ZNF662: variants seen among roughly 807,000 people sequenced by gnomAD.
The protein encoded by ZNF662 is zinc finger protein 662.
A neutral mutation model predicts 12.4 loss-of-function variants in ZNF662; 14 were observed. The observed-to-expected ratio is 1.13, with a 90% CI of 0.75 to 1.77. The LOEUF is 1.77. ZNF662 is among the 40% of genes most tolerant of loss of function. ZNF662 has a pLI of 0.00. For missense variants in ZNF662, 550 were observed against 515.6 expected, an observed-to-expected ratio of 1.07 and a Z score of -0.65; for synonymous variants, 184 against 176.4, an observed-to-expected ratio of 1.04 and a Z score of -0.34.
intron 3 of ZNF662, among the ~76,000 whole-genome samples, chr3:42,909,627 C>CCAGATGGGGCGGCCGGG (rs2088744975): frequency 6.6e-6 from 1 of 151,830 alleles, no homozygotes; most frequent in Non-Finnish European, 1.5e-5. Flanking sequence ...TCCTCACTTC[C>CCAGATGGGGCGGCCGGG]CAGATGGGGC....
chr3:42,912,642 A>ATATATATATAAATATATATATATTTTTT (rs1453464019), intron 3 of ZNF662, among the ~76,000 whole-genome samples: 2 of 59,484 alleles, frequency 3.4e-5, no homozygotes, highest in African/African-American at 1.7e-4. Flanking sequence ...TATATATTTT[A>ATATATATATAAATATATATATATTTTTT]TATATATATA....
At position 42,918,451 on chromosome 3, in the gene ZNF662, C is replaced by T. The variant is rs2088917000; in HGVS notation, c.*3097C>T. 1.3e-5 allele frequency among the ~76,000 whole-genome samples: 2 copies of T among 152,178 alleles called. No homozygotes were observed. Among genetic ancestry groups the T allele is most frequent in the African/African-American group, 4.8e-5 (2 of 41,440 alleles). On this transcript the variant is annotated 3_prime_UTR_variant, in exon 5 of 5. Transcript: ENST00000440367. ...ATTCCTGGTGGCTACACCCCGTTCTCCCAGTGTGCAGGCAGGCCCTTAGTC... is the reference window on the plus strand; with the variant it reads ...ATTCCTGGTGGCTACACCCCGTTCTTCCAGTGTGCAGGCAGGCCCTTAGTC...
In ZNF662 at chr3:42,918,955, G is replaced by C. The variant is rs1052162310; in HGVS notation, c.*3601G>C. Among the ~76,000 whole-genome samples, 4 of 152,292 alleles carry C rather than the reference G, an allele frequency of 2.6e-5. No homozygotes were observed. The highest frequency in any genetic ancestry group is 9.6e-5 in the African/African-American group (4 of 41,580). ...TATAGTTATGCCTGCTAAGATTGGG[G>C]TGTTTGGGGCTTGGCTTTCGTTAGC... On this transcript the variant is annotated 3_prime_UTR_variant, in exon 5 of 5. Transcript: ENST00000440367.
rs1288732874 is a variant in ZNF662, at chr3:42,918,558, C to T, written c.*3204C>T. Among the ~76,000 whole-genome samples, 1 of 152,140 alleles carries T rather than the reference C, an allele frequency of 6.6e-6. No homozygotes were observed. Among genetic ancestry groups the T allele is most frequent in the Non-Finnish European group, 1.5e-5 (1 of 68,026 alleles). ...ATCATGGGCATGTTTAGGCAATCCC[C>T]CTGTGCACAATGACCTGGGCAGCAT... On this transcript the variant is annotated 3_prime_UTR_variant, in exon 5 of 5. Coordinates refer to ENST00000440367, the MANE Select transcript of ZNF662 (RefSeq NM_207404.4).
Position 42,914,988 on chromosome 3 carries a change from A to G in ZNF662, c.915A>G (p.Thr305=), listed in dbSNP as rs991862735. The G allele has an allele frequency of 1.1e-5, 18 of 1,614,064 alleles. No homozygotes were observed. Among genetic ancestry groups the G allele is most frequent in the South Asian group, 3.3e-5 (3 of 91,088 alleles). Residue 305 remains threonine, a synonymous_variant, in exon 5 of 5, where the codon ACA becomes ACG. Coordinates refer to ENST00000440367, the MANE Select transcript of ZNF662 (RefSeq NM_207404.4). ...TCCACACTGGTGAGAAACCATACAC[A>G]TGTAAGGAATGTGGGAAAAGCTTTA... is the stretch of plus-strand genomic sequence containing the variant. ...QRIHTGEKPY[T]CKECGKSFTR... is the part of the protein sequence containing the mutation.
chr3:42,914,376 T>C lies in ZNF662; in HGVS notation c.303T>C (p.Ile101=). The C allele has an allele frequency of 6.2e-7, 1 of 1,608,164 alleles. No individual in the cohort carries two copies. ...AAGATTTTATTCTGAAGGAGGAAAT[T>C]ATTGAGGAAGCACAGGACCTCATGG... ...KKEDFILKEE[I]IEEAQDLMVL... The change falls in exon 5 of 5, where the codon ATT becomes ATC. Residue 101 remains isoleucine (I), a synonymous_variant. Coordinates refer to ENST00000440367, the MANE Select transcript of ZNF662 (RefSeq NM_207404.4).
intron 4 of ZNF662, 66 bp from the exon 5 acceptor site, chr3:42,914,261 C>G: frequency 7.1e-7 from 1 of 1,409,972 alleles, no homozygotes; most frequent in Non-Finnish European, 9.6e-7. Context: ...ATTAATACCA[C>G]TTGGTGACCT....
chr3:42,910,369 G>A (rs751633165), intron 3 of ZNF662, among the ~76,000 whole-genome samples: 3 of 152,068 alleles, frequency 2.0e-5, no homozygotes, highest in Non-Finnish European at 4.4e-5. Flanking sequence ...AGGGGGAAGG[G>A]GAGAGGGAGA....
intron 1 of ZNF662, chr3:42,907,681 G>T (rs543835008): frequency 1.0e-6 from 1 of 985,410 alleles, no homozygotes; most frequent in African/African-American, 1.7e-5. Flanking sequence ...TCAAGGGTGG[G>T]TGACCTCTGA....
chr3:42,910,688 T>C (rs997934328), intron 3 of ZNF662, among the ~76,000 whole-genome samples: 3 of 152,206 alleles, frequency 2.0e-5, no homozygotes, highest in Non-Finnish European at 2.9e-5. Context: ...ACTTTCTTAC[T>C]CTTAGTTTCC....
chr3:42,914,362 C>T lies in ZNF662; in HGVS notation c.289C>T (p.Leu97=). The T allele has an allele frequency of 6.2e-7, 1 of 1,605,582 alleles. No homozygotes were observed. The highest frequency in any genetic ancestry group is 8.5e-7 in the Non-Finnish European group (1 of 1,177,708). The change falls in exon 5 of 5, where the codon CTG becomes TTG. Residue 97 remains leucine, a synonymous_variant. Transcript: ENST00000440367. ...GAAGAGGAAGAAAGAAGATTTTATT[C>T]TGAAGGAGGAAATTATTGAGGAAGC... is the stretch of plus-strand genomic sequence containing the variant. ...VLKRKKEDFI[L]KEEIIEEAQD...
In ZNF662 at chr3:42,915,063, G is replaced by C; in HGVS notation, c.990G>C (p.Lys330Asn). The change falls in exon 5 of 5, where the codon AAG becomes AAC. Residue 330 changes from lysine (K) to asparagine (N), a missense_variant. Lys to Asn is a moderately conservative substitution (Grantham distance 94). Coordinates refer to ENST00000440367, the MANE Select transcript of ZNF662 (RefSeq NM_207404.4). Reference sequence around the variant, plus strand: ...ATCAGAGAATGCACACTGGGGAGAAGCCTTACGAATGTAAGGACTGTGGGA... The same window carrying C: ...ATCAGAGAATGCACACTGGGGAGAACCCTTACGAATGTAAGGACTGTGGGA... ...LRHQRMHTGE[K>N]PYECKDCGKG... 1 of 1,614,016 alleles carries C rather than the reference G, an allele frequency of 6.2e-7. No individual in the cohort carries two copies. The highest frequency in any genetic ancestry group is 8.5e-7 in the Non-Finnish European group (1 of 1,180,010).
intron 2 of ZNF662, chr3:42,908,424 A>G: frequency 2.4e-6 from 3 of 1,272,396 alleles, no homozygotes; most frequent in Non-Finnish European, 3.0e-6. Flanking sequence ...ATGGTGCTCC[A>G]CTGAGCCTTC....
Position 42,917,764 on chromosome 3 carries a change from A to T in ZNF662, c.*2410A>T. 1 of 589,188 alleles carries T rather than the reference A, an allele frequency of 1.7e-6. No homozygotes were observed. The allele number at this position is 589,188 out of a possible 1,614,324, so 36.5% of individuals were successfully genotyped here. A position where few individuals can be genotyped will look rare whatever the true frequency, so the allele number is the denominator to read the frequency against. ...TTTCCTCTTGCTCAGTAGTCTCATA[A>T]GCTTCTCAGTTTTATCTCATCTCAG... On this transcript the variant is annotated 3_prime_UTR_variant, in exon 5 of 5. Transcript: ENST00000440367.
chr3:42,911,610 A>G (rs2088791903), intron 3 of ZNF662, among the ~76,000 whole-genome samples: 3 of 152,202 alleles, frequency 2.0e-5, no homozygotes. Context: ...TACTCAGAGG[A>G]TACATAGTCC....
Position 42,915,293 on chromosome 3 carries a change from A to G in ZNF662, c.1220A>G (p.Gln407Arg). 1.2e-6 allele frequency: 2 copies of G among 1,611,676 alleles called. No individual in the cohort carries two copies. Among genetic ancestry groups the G allele is most frequent in the Non-Finnish European group, 1.7e-6 (2 of 1,178,870 alleles). ...CAGAATTCTGTCTTAATTAAGCACCAGAGGCGCCATGCTAGAGACAAACCC... is the reference window on the plus strand; with the variant it reads ...CAGAATTCTGTCTTAATTAAGCACCGGAGGCGCCATGCTAGAGACAAACCC... ...FSQNSVLIKH[Q>R]RRHARDKPYN... The change falls in exon 5 of 5, where the codon CAG (glutamine) becomes CGG (arginine). Residue 407 changes from glutamine (Q) to arginine (R), a missense_variant. By Grantham distance (43) the Gln-to-Arg change is conservative (BLOSUM62 1). Transcript: ENST00000440367.
chr3:42,917,342 G>C lies in ZNF662; in HGVS notation c.*1988G>C. 1.7e-6 allele frequency: 1 copy of C among 600,162 alleles called. No homozygotes were observed. The highest frequency in any genetic ancestry group is 2.9e-6 in the Non-Finnish European group (1 of 340,992). The allele number at this position is 600,162 out of a possible 1,614,324, so 37.2% of individuals were successfully genotyped here. On this transcript the variant is annotated 3_prime_UTR_variant, in exon 5 of 5. Transcript: ENST00000440367. ...ATACTGGCTCTTCTGGAAAAGAGAG[G>C]CTTTTCTTCATCGAGAGCTACCAGA...
In ZNF662 at chr3:42,906,268, C is replaced by T. The variant is rs547403715; in HGVS notation, c.-94+100C>T. 2.5e-5 allele frequency: 33 copies of T among 1,311,520 alleles called. 2 individuals carry two copies. In the South Asian group the frequency reaches 4.4e-4, roughly 17 times the overall value. 81.2% of individuals were successfully genotyped at this position (1,311,520 alleles called of 1,614,324 possible). A position where few individuals can be genotyped will look rare whatever the true frequency, so the allele number is the denominator to read the frequency against. On this transcript the variant is annotated intron_variant, in intron 1 of 4. Coordinates refer to ENST00000440367, the MANE Select transcript of ZNF662 (RefSeq NM_207404.4). This position sits in a 1 kb window ranked among gnomAD's most constrained non-coding sequence, Gnocchi z 4.4. Reference sequence around the variant, plus strand: ...GCAGGGTAGCCGTGTCAGGCCTGCCCAGGTGCAGAGCGCTCTTCCGCGACC... The same window carrying T: ...GCAGGGTAGCCGTGTCAGGCCTGCCTAGGTGCAGAGCGCTCTTCCGCGACC...
At position 42,918,885 on chromosome 3, in the gene ZNF662, T is replaced by TA. The variant is rs954158411; in HGVS notation, c.*3539dup. Among the ~76,000 whole-genome samples the TA allele has an allele frequency of 7.2e-5, 11 of 152,036 alleles. No individual in the cohort carries two copies. The highest frequency in any genetic ancestry group is 2.4e-4 in the African/African-American group (10 of 41,472). ...ACAAAGCGGGGATGGTAAGGACAGC[T>TA]AAAAAAAATCCTAAGGCTGCTGACA... On this transcript the variant is annotated 3_prime_UTR_variant, in exon 5 of 5. Coordinates refer to ENST00000440367, the MANE Select transcript of ZNF662 (RefSeq NM_207404.4).
Sources: gnomAD v4.1 joint callset for allele counts (sites outside exome capture counted in the v4.1 genomes callset) on GRCh38, gnomAD v4.1.1 for gene constraint, Gnocchi (gnomAD v3.1) non-coding constraint, MANE v1.5 for transcripts, NCBI Gene and HGNC (gene_info 2026-07-23, HGNC 2026-07-21) for gene names.